LTBP4: variants seen among roughly 807,000 people sequenced by gnomAD.
The protein encoded by LTBP4 is latent transforming growth factor beta binding protein 4.
In LTBP4, 93 loss-of-function variants were observed where a neutral mutation model predicts 180.2. The ratio of observed to expected loss-of-function variants is 0.52; its 90% CI spans 0.44 to 0.61. LTBP4 has a LOEUF of 0.61. Among genes scored for constraint, LTBP4 ranks in the 20% least tolerant of loss-of-function variants. The probability of loss-of-function intolerance (pLI) is 0.00; values close to 1 mark genes in which losing one functional copy is unlikely to be tolerated. For synonymous variants in LTBP4, 947 were observed against 934.5 expected, an observed-to-expected ratio of 1.01 and a Z score of -0.24; for missense variants, 2,116 against 2,256.5, an observed-to-expected ratio of 0.94 and a Z score of 1.26.
intron 12 of LTBP4, 80 bp downstream of exon 12, chr19:40,610,737 C>T: frequency 1.3e-6 from 2 of 1,490,880 alleles, no homozygotes; most frequent in Non-Finnish European, 1.8e-6. Context: ...AGAGACTGAA[C>T]AATAGGGCAA....
chr19:40,605,355 C>G lies in LTBP4; in HGVS notation c.443-50C>G. 3 of 1,605,080 alleles carry G rather than the reference C, an allele frequency of 1.9e-6. No individual in the cohort carries two copies. Among genetic ancestry groups the G allele is most frequent in the South Asian group, 1.1e-5 (1 of 90,384 alleles). On this transcript the variant is annotated intron_variant, in intron 2 of 29. Coordinates refer to ENST00000396819, the MANE Select transcript of LTBP4 (RefSeq NM_001042545.2). The surrounding 1 kb of genome is among the most constrained non-coding windows in gnomAD (Gnocchi z 5.5). Reference sequence around the variant, plus strand: ...CCCTCCCCGCCTTGTCTAGCCCCACCCCGTAAGAACCCGTGTAGACATCCG... The same window carrying G: ...CCCTCCCCGCCTTGTCTAGCCCCACGCCGTAAGAACCCGTGTAGACATCCG...
In LTBP4 at chr19:40,613,558, G is replaced by T. The variant is rs760926653; in HGVS notation, c.2557+29G>T. 5.8e-6 allele frequency: 9 copies of T among 1,554,748 alleles called. No homozygotes were observed. Among genetic ancestry groups the T allele is most frequent in the Admixed American group, 3.8e-5 (2 of 52,048 alleles). On this transcript the variant is annotated intron_variant, in intron 17 of 29. Coordinates refer to ENST00000396819, the MANE Select transcript of LTBP4 (RefSeq NM_001042545.2). The surrounding 1 kb of genome is among the most constrained non-coding windows in gnomAD (Gnocchi z 5.0). ...CGTACCCGGGCTGATCCTGGCCCCG[G>T]AAAGGGTGGGCTTAGGGCAGGAAAA... is the stretch of plus-strand genomic sequence containing the variant.
chr19:40,609,751 G>A lies in LTBP4; in HGVS notation c.1564G>A (p.Asp522Asn), dbSNP rs544047575. Reference protein sequence around the residue: ...SPQGTRCIDVDECRRVPPPCA... With the variant: ...SPQGTRCIDVNECRRVPPPCA... ...AGCCCCCTCCGTGTCCTCAGATGTG[G>A]ACGAATGTCGCCGCGTGCCCCCGCC... The change falls in exon 11 of 30, where the codon GAC becomes AAC. Residue 522 changes from aspartate (D) to asparagine (N), a missense_variant. Asp to Asn is a conservative substitution (Grantham distance 23, BLOSUM62 1). This residue lies in a region of LTBP4 where 877 missense variants were observed against 873.6 expected (regional missense o/e 1.00). Coordinates refer to ENST00000396819, the MANE Select transcript of LTBP4 (RefSeq NM_001042545.2). The surrounding 1 kb of genome is among the most constrained non-coding windows in gnomAD (Gnocchi z 4.9). 4.8e-5 allele frequency: 78 copies of A among 1,612,198 alleles called. 1 individual carries two copies. In the South Asian group the frequency reaches 7.7e-4, roughly 16 times the overall value.
chr19:40,625,948 C>T lies in LTBP4; in HGVS notation c.3924C>T (p.Cys1308=), dbSNP rs2081630668. The part of the protein sequence containing the change: ...RLDRQATYTE[C]CCLYGEAWGM... ...ACCGTCAGGCCACCTACACAGAGTG[C>T]TGCTGCCTGTATGGAGAGGCCTGGG... The change falls in exon 27 of 30, where the codon TGC becomes TGT. Residue 1308 remains cysteine, a synonymous_variant. Coordinates refer to ENST00000396819, the MANE Select transcript of LTBP4 (RefSeq NM_001042545.2). The T allele has an allele frequency of 3.7e-6, 6 of 1,607,408 alleles. No homozygotes were observed. The highest frequency in any genetic ancestry group is 5.1e-6 in the Non-Finnish European group (6 of 1,177,412).
intron 19 of LTBP4, among the ~76,000 whole-genome samples, chr19:40,614,739 C>T (rs1021880424): frequency 7.9e-5 from 12 of 152,102 alleles, no homozygotes; most frequent in Non-Finnish European, 1.3e-4. Flanking sequence ...ACTGTTAGGC[C>T]CCGCCCCTTC....
chr19:40,611,946 T>C lies in LTBP4; in HGVS notation c.2141T>C (p.Met714Thr). The C allele has an allele frequency of 2.5e-6, 4 of 1,611,428 alleles. No homozygotes were observed. Among genetic ancestry groups the C allele is most frequent in the Middle Eastern group, 1.7e-4 (1 of 6,050 alleles). Residue 714 changes from methionine to threonine, a missense_variant, in exon 14 of 30, where the codon ATG (methionine) becomes ACG (threonine). By Grantham distance (81) the Met-to-Thr change is moderately conservative. Coordinates refer to ENST00000396819, the MANE Select transcript of LTBP4 (RefSeq NM_001042545.2). The surrounding 1 kb of genome is among the most constrained non-coding windows in gnomAD (Gnocchi z 4.4). Reference protein sequence around the residue: ...TEGSFQCVCPMGFQPNTAGSE... With the variant: ...TEGSFQCVCPTGFQPNTAGSE... ...GGCAGCTTCCAGTGTGTCTGCCCCATGGGCTTCCAACCCAACACTGCTGGC... is the reference window on the plus strand; with the variant it reads ...GGCAGCTTCCAGTGTGTCTGCCCCACGGGCTTCCAACCCAACACTGCTGGC...
intron 28 of LTBP4, 75 bp from the exon 29 acceptor site, chr19:40,627,630 G>A: frequency 6.6e-7 from 1 of 1,522,334 alleles, no homozygotes; most frequent in Non-Finnish European, 8.8e-7. Context: ...ATGGAGCCAA[G>A]GACGCGCACC....
rs1269039958 is a variant in LTBP4, at chr19:40,609,504, G to A, written c.1427-26G>A. 2.5e-6 allele frequency: 4 copies of A among 1,607,094 alleles called. No homozygotes were observed. The highest frequency in any genetic ancestry group is 3.4e-6 in the Non-Finnish European group (4 of 1,175,174). ...AGGAACGGAGGATTCAGAGATGGGG[G>A]AACCCTGGCTGACTGGACCCCCCAG... On this transcript the variant is annotated intron_variant, in intron 9 of 29. Transcript: ENST00000396819. The surrounding 1 kb of genome is among the most constrained non-coding windows in gnomAD (Gnocchi z 4.9).
At chr19:40,594,838 GAGTC>G (rs1436464998) in intron 1 of LTBP4, among the ~76,000 whole-genome samples, 1 of 152,110 alleles carries the variant, frequency 6.6e-6, no homozygotes, top group Non-Finnish European at 1.5e-5. Context: ...GTAGCCGTGT[GAGTC>G]AGCCTGTGTG....
intron 14 of LTBP4, 44 bp from the exon 15 acceptor site, chr19:40,612,029 A>T (rs762496506): frequency 1.2e-6 from 2 of 1,610,426 alleles, no homozygotes; most frequent in East Asian, 2.2e-5. Flanking sequence ...GTGAGGGGGG[A>T]GTTGGACCAC....
chr19:40,599,085 AC>A (rs2081406322), upstream of LTBP4: 1 of 914,716 alleles, frequency 1.1e-6, no homozygotes, highest in Non-Finnish European at 1.8e-6. Flanking sequence ...TTAGTCATAT[AC>A]CTGTTTCAAG....
intron 1 of LTBP4, among the ~76,000 whole-genome samples, chr19:40,594,721 C>T (rs975421817): frequency 1.2e-4 from 18 of 152,122 alleles, no homozygotes; most frequent in Admixed American, 2.6e-4. Flanking sequence ...TGAGTGCCGT[C>T]GTCACCTGCC....
At chr19:40,602,880 C>G (rs1451999564) in intron 1 of LTBP4, among the ~76,000 whole-genome samples, 1 of 152,304 alleles carries the variant, frequency 6.6e-6, no homozygotes, top group Non-Finnish European at 1.5e-5. Flanking sequence ...GAAATACCCT[C>G]AGACCTGGCT....
chr19:40,624,143 G>A, intron 26 of LTBP4, 61 bp downstream of exon 26: 5 of 1,456,930 alleles, frequency 3.4e-6, no homozygotes, highest in Non-Finnish European at 3.6e-6. Context: ...ACCCGCACCC[G>A]GGCCACACCT....
intron 19 of LTBP4, chr19:40,615,287 C>G (rs1480631965): frequency 2.0e-5 from 3 of 149,420 alleles, no homozygotes; most frequent in Non-Finnish European, 3.0e-5. Flanking sequence ...TGCTAGACCT[C>G]TGACTCATGG....
chr19:40,608,902 CAAAA>C (rs538438732), intron 9 of LTBP4: 72 of 82,622 alleles, frequency 8.7e-4, no homozygotes, highest in Middle Eastern at 6.4e-3. Context: ...CACTCCATCT[CAAAA>C]AAAAAAAAAA....
chr19:40,593,760 C>G (rs114877366), intron 1 of LTBP4, among the ~76,000 whole-genome samples: 3,685 of 151,316 alleles, frequency 0.024, 116 homozygotes, highest in African/African-American at 0.067. Flanking sequence ...GCTGGTCATT[C>G]TATTCTTATT....
rs1197959173 is a variant in LTBP4 at position 40,610,573 on chromosome 19, G to C, written c.1726G>C (p.Gly576Arg). Residue 576 changes from glycine to arginine, a missense_variant, in exon 12 of 30, where the codon GGG becomes CGG. By Grantham distance (125) the Gly-to-Arg change is moderately radical. Around this residue, in one of 5 missense-constraint regions of LTBP4, gnomAD observed 877 missense variants for 873.6 expected, o/e 1.00. Coordinates refer to ENST00000396819, the MANE Select transcript of LTBP4 (RefSeq NM_001042545.2). Reference sequence around the variant, plus strand: ...CCGCGTGCCGCCGCCGTGTGACCTCGGGCGCTGCGAGAACACGCCAGGCAG... The same window carrying C: ...CCGCGTGCCGCCGCCGTGTGACCTCCGGCGCTGCGAGAACACGCCAGGCAG... ...CHRVPPPCDL[G>R]RCENTPGSFL... is the part of the protein sequence containing the mutation. 2 of 1,593,234 alleles carry C rather than the reference G, an allele frequency of 1.3e-6. No individual in the cohort carries two copies. The highest frequency in any genetic ancestry group is 2.7e-5 in the African/African-American group (2 of 74,826).
Position 40,601,651 on chromosome 19 carries a change from G to A in LTBP4, c.250+14G>A. The A allele has an allele frequency of 7.4e-7, 1 of 1,350,664 alleles. No individual in the cohort carries two copies. Among genetic ancestry groups the A allele is most frequent in the Non-Finnish European group, 9.5e-7 (1 of 1,056,300 alleles). 83.7% of individuals were successfully genotyped at this position (1,350,664 alleles called of 1,614,324 possible). On this transcript the variant is annotated intron_variant, in intron 1 of 29. Transcript: ENST00000396819. ...GCTTCCGCGCCTGTGAGTGCGGGGT[G>A]GTGGTCCCGAGAGAGCGGCTCCGGG...
Sources: allele counts gnomAD v4.1 joint callset (sites outside exome capture counted in the v4.1 genomes callset), GRCh38; gene constraint gnomAD v4.1.1; regional missense constraint gnomAD v4.1.1; non-coding constraint Gnocchi (gnomAD v3.1); transcripts MANE v1.5; gene names NCBI Gene and HGNC (gene_info 2026-07-23, HGNC 2026-07-21).